TNFRSF4: variants seen among roughly 807,000 people sequenced by gnomAD.
TNFRSF4 encodes TNF receptor superfamily member 4.
In TNFRSF4, 21 loss-of-function variants were observed where a neutral mutation model predicts 29.5. That is an observed-to-expected ratio of 0.71 (90% confidence interval 0.51 to 1.03). TNFRSF4 has a LOEUF of 1.03. Ranked by LOEUF, TNFRSF4 falls within the 50% of genes least tolerant of loss-of-function variation. The pLI is 0.00. For missense variants in TNFRSF4, 408 were observed against 387.8 expected (o/e 1.05, Z -0.44); for synonymous variants, 197 against 172.7 (o/e 1.14, Z -1.10).
Position 1,211,358 on chromosome 1 carries a change from T to G in TNFRSF4, c.*197A>C. On this transcript the variant is annotated 3_prime_UTR_variant, in exon 7 of 7. Coordinates refer to ENST00000379236, the MANE Select transcript of TNFRSF4 (RefSeq NM_003327.4). ...CGGAGACTCCCGTCTGCCAAGGTTTTTATTGTGGTCCCGCGGGGCAGGAGG... is the reference window on the plus strand; with the variant it reads ...CGGAGACTCCCGTCTGCCAAGGTTTGTATTGTGGTCCCGCGGGGCAGGAGG... The G allele has an allele frequency of 2.1e-6, 1 of 478,098 alleles. No homozygotes were observed. The highest frequency in any genetic ancestry group is 3.6e-6 in the Non-Finnish European group (1 of 281,462). 29.6% of individuals were successfully genotyped at this position (478,098 alleles called of 1,614,324 possible).
chr1:1,211,802 C>A lies in TNFRSF4; in HGVS notation c.665G>T (p.Gly222Val), dbSNP rs1297393738. 1 of 1,554,964 alleles carries A rather than the reference C, an allele frequency of 6.4e-7. No individual in the cohort carries two copies. Among genetic ancestry groups the A allele is most frequent in the East Asian group, 2.4e-5 (1 of 41,846 alleles). ...GGGGCCCAGCAGCCCCAGCACCAGG[C>A]CCAGGCCCAGGATGGCGGCAACCGC... ...GRAVAAILGL[G>V]LVLGLLGPLA... Residue 222 changes from glycine (G) to valine (V), a missense_variant, in exon 6 of 7, where the codon GGC becomes GTC. Gly to Val is a moderately radical substitution (Grantham distance 109). Transcript: ENST00000379236.
chr1:1,212,726 C>A lies in TNFRSF4; in HGVS notation c.371-22G>T, dbSNP rs764207404. ...CAGTCTGCAACAAAGATAGGGTGGT[C>A]AGGGGCTGCCCACAGGCCCCGGGTG... On this transcript the variant is annotated intron_variant, in intron 3 of 6. Coordinates refer to ENST00000379236, the MANE Select transcript of TNFRSF4 (RefSeq NM_003327.4). 3 of 1,527,542 alleles carry A rather than the reference C, an allele frequency of 2.0e-6. No homozygotes were observed. In the South Asian group the frequency reaches 3.7e-5, roughly 19 times the overall value. The allele number at this position is 1,527,542 out of a possible 1,614,324, so 94.6% of individuals were successfully genotyped here. A position where few individuals can be genotyped will look rare whatever the true frequency, so the allele number is the denominator to read the frequency against.
chr1:1,213,679 G>T lies in TNFRSF4; in HGVS notation c.252C>A (p.Cys84Ter). The T allele has an allele frequency of 1.9e-6, 3 of 1,593,598 alleles. No homozygotes were observed. The highest frequency in any genetic ancestry group is 1.3e-5 in the African/African-American group (1 of 74,726). The change falls in exon 2 of 7, where the codon TGC (cysteine) becomes TGA (stop). Residue 84 changes from cysteine to a stop codon, truncating the protein, a stop_gained. Transcript: ENST00000379236. LOFTEE classifies it high-confidence loss of function. ...GGAGCTCACTGAGGTTACACCACGT[G>T]CAGGGCTTGCACGGCTTGGAGCTGA... is the stretch of plus-strand genomic sequence containing the variant. ...DVVSSKPCKPCTWCNLRSGSE... is the reference protein window; with the variant it reads ...DVVSSKPCKP
At position 1,211,492 on chromosome 1, in the gene TNFRSF4, C is replaced by G. The variant is rs1205638089; in HGVS notation, c.*63G>C. The G allele has an allele frequency of 7.0e-7, 1 of 1,434,974 alleles. No homozygotes were observed. The highest frequency in any genetic ancestry group is 9.1e-7 in the Non-Finnish European group (1 of 1,093,792). The allele number at this position is 1,434,974 out of a possible 1,614,324, so 88.9% of individuals were successfully genotyped here. Reference sequence around the variant, plus strand: ...GCAGGCGGCCTGCACCTGCCCTGCTCGCCCAGCAGACCCTCCGGGCTCCAG... The same window carrying G: ...GCAGGCGGCCTGCACCTGCCCTGCTGGCCCAGCAGACCCTCCGGGCTCCAG... On this transcript the variant is annotated 3_prime_UTR_variant, in exon 7 of 7. Coordinates refer to ENST00000379236, the MANE Select transcript of TNFRSF4 (RefSeq NM_003327.4).
intron 4 of TNFRSF4, among the ~76,000 whole-genome samples, 196 bp downstream of exon 4, chr1:1,212,442 C>G (rs139193785): frequency 2.6e-5 from 4 of 152,012 alleles, no homozygotes; most frequent in Admixed American, 1.3e-4. Context: ...AGGCTGCCCC[C>G]AGGCAGCAGC....
rs941955677 is a variant in TNFRSF4 at position 1,212,290 on chromosome 1, G to A, written c.438-152C>T. On this transcript the variant is annotated intron_variant, in intron 4 of 6. Transcript: ENST00000379236. ...AGCCAAGGACGCTGCCCAGCCCCAC[G>A]TGCCCCCCACAGGGGCCTCCAAGGC... 39 of 918,472 alleles carry A rather than the reference G, an allele frequency of 4.2e-5. No individual in the cohort carries two copies. The South Asian group carries it at 4.7e-4, about 11-fold the overall frequency. 56.9% of individuals were successfully genotyped at this position (918,472 alleles called of 1,614,324 possible). A position where few individuals can be genotyped will look rare whatever the true frequency, so the allele number is the denominator to read the frequency against.
At position 1,211,815 on chromosome 1, in the gene TNFRSF4, TGGC is replaced by T. The variant is rs780877916; in HGVS notation, c.649_651del (p.Ala217del). The T allele has an allele frequency of 5.5e-5, 86 of 1,552,794 alleles. No homozygotes were observed. Among genetic ancestry groups the T allele is most frequent in the Non-Finnish European group, 7.1e-5 (82 of 1,152,868 alleles). On this transcript the variant is annotated inframe_deletion, in exon 6 of 7. Coordinates refer to ENST00000379236, the MANE Select transcript of TNFRSF4 (RefSeq NM_003327.4). ...CCCAGCACCAGGCCCAGGCCCAGGA[TGGC>T]GGCAACCGCACGGCCTGCAGGAAGG...
chr1:1,213,784 G>A lies in TNFRSF4; in HGVS notation c.147C>T (p.Gly49=). The A allele has an allele frequency of 6.3e-7, 1 of 1,596,694 alleles. No homozygotes were observed. Among genetic ancestry groups the A allele is most frequent in the Non-Finnish European group, 8.5e-7 (1 of 1,173,726 alleles). The change falls in exon 2 of 7, where the codon GGC becomes GGT. Residue 49 remains glycine (G), a splice_region_variant and synonymous_variant. Transcript: ENST00000379236. ...GGCTGCAGCGGCTCACCATCCCGTT[G>A]CCTGCAGCAGAGGCCGGCGTCAGGC... ...NDRCCHECRP[G]NGMVSRCSRS...
At chr1:1,212,599 C>A (rs534218683) in intron 4 of TNFRSF4, 39 bp downstream of exon 4, 13 of 1,327,934 alleles carry the variant, frequency 9.8e-6, no homozygotes, top group Admixed American at 7.0e-5. Context: ...CACCCCAACC[C>A]CCCCCCAGCC....
At position 1,211,830 on chromosome 1, in the gene TNFRSF4, G is replaced by A. The variant is rs753586147; in HGVS notation, c.637C>T (p.Arg213Cys). The change falls in exon 6 of 7, where the codon CGT (arginine) becomes TGT (cysteine). Residue 213 changes from arginine (R) to cysteine (C), a missense_variant and splice_region_variant. Arg to Cys is a radical substitution (Grantham distance 180, BLOSUM62 -3). Transcript: ENST00000379236. The part of the protein sequence containing the change: ...STRPVEVPGG[R>C]AVAAILGLGL... The stretch of plus-strand genomic sequence containing the variant: ...AGGCCCAGGATGGCGGCAACCGCAC[G>A]GCCTGCAGGAAGGGGTCTGCTGGGT... The A allele has an allele frequency of 3.9e-6, 6 of 1,545,530 alleles. No individual in the cohort carries two copies. The highest frequency in any genetic ancestry group is 1.4e-5 in the African/African-American group (1 of 73,312).
In TNFRSF4 at chr1:1,213,780, C is replaced by A; in HGVS notation, c.151G>T (p.Gly51Trp). Residue 51 changes from glycine to tryptophan, a missense_variant, in exon 2 of 7, where the codon GGG becomes TGG. Transcript: ENST00000379236. Reference sequence around the variant, plus strand: ...GAGCGGCTGCAGCGGCTCACCATCCCGTTGCCTGCAGCAGAGGCCGGCGTC... The same window carrying A: ...GAGCGGCTGCAGCGGCTCACCATCCAGTTGCCTGCAGCAGAGGCCGGCGTC... Reference protein sequence around the residue: ...RCCHECRPGNGMVSRCSRSQN... With the variant: ...RCCHECRPGNWMVSRCSRSQN... 6.3e-7 allele frequency: 1 copy of A among 1,598,484 alleles called. No individual in the cohort carries two copies. The highest frequency in any genetic ancestry group is 1.1e-5 in the South Asian group (1 of 88,608).
Position 1,211,926 on chromosome 1 carries a change from G to T in TNFRSF4, c.634+16C>A, listed in dbSNP as rs764775188. 1 of 1,532,822 alleles carries T rather than the reference G, an allele frequency of 6.5e-7. No homozygotes were observed. Among genetic ancestry groups the T allele is most frequent in the East Asian group, 2.3e-5 (1 of 42,722 alleles). 95.0% of individuals were successfully genotyped at this position (1,532,822 alleles called of 1,614,324 possible). On this transcript the variant is annotated intron_variant, in intron 5 of 6. Transcript: ENST00000379236. ...TCGGGTTGGGGGCCCCGCTGGGCTG[G>T]GCCAGGCGCCCTTACCCCCGGGGAC...
intron 2 of TNFRSF4, 173 bp downstream of exon 2, chr1:1,213,490 G>A (rs1475335108): frequency 4.1e-6 from 6 of 1,469,864 alleles, no homozygotes; most frequent in Non-Finnish European, 5.4e-6. Context: ...GAGAGGGGGT[G>A]CCCCTGGGAG....
chr1:1,213,882 A>ACCCCCCCCCCC, intron 1 of TNFRSF4, 97 bp from the exon 2 acceptor site: 1 of 1,265,978 alleles, frequency 7.9e-7, no homozygotes, highest in Non-Finnish European at 1.0e-6. Context: ...CCGGCCCCTC[A>ACCCCCCCCCCC]CCCGCCCCCT....
At chr1:1,213,458 G>A in intron 2 of TNFRSF4, 1 of 1,502,954 alleles carries the variant, frequency 6.7e-7, no homozygotes, top group Non-Finnish European at 8.9e-7. Flanking sequence ...CGTGGCCTGG[G>A]CCGAGTCTGG....
At position 1,212,981 on chromosome 1, in the gene TNFRSF4, A is replaced by G. The variant is rs1649243786; in HGVS notation, c.370+11T>C. The stretch of plus-strand genomic sequence containing the variant: ...ACACCCCCAACCGCCGGCCGCAGCC[A>G]CCGAGCTCACCAACTCCAGGCTTGT... On this transcript the variant is annotated intron_variant, in intron 3 of 6. Coordinates refer to ENST00000379236, the MANE Select transcript of TNFRSF4 (RefSeq NM_003327.4). 5 of 1,605,934 alleles carry G rather than the reference A, an allele frequency of 3.1e-6. No individual in the cohort carries two copies. The highest frequency in any genetic ancestry group is 3.4e-6 in the Non-Finnish European group (4 of 1,176,614).
chr1:1,213,137 G>T (rs1247194463), intron 2 of TNFRSF4, 44 bp from the exon 3 acceptor site: 3 of 1,574,792 alleles, frequency 1.9e-6, no homozygotes, highest in Non-Finnish European at 2.6e-6. Context: ...GGGGGCTGTG[G>T]ACAGGGTCCT....
Position 1,214,077 on chromosome 1 carries a change from G to A in TNFRSF4, c.51C>T (p.Leu17=), listed in dbSNP as rs1371362828. The A allele has an allele frequency of 1.3e-6, 2 of 1,592,514 alleles. No homozygotes were observed. The highest frequency in any genetic ancestry group is 8.5e-7 in the Non-Finnish European group (1 of 1,173,456). ...CGGTGCTCAGCCCCAGGCCCAGGAGGAGCAGAGCCGCACACGGCCCGCGGC... is the reference window on the plus strand; with the variant it reads ...CGGTGCTCAGCCCCAGGCCCAGGAGAAGCAGAGCCGCACACGGCCCGCGGC... The part of the protein sequence containing the change: ...RLGRGPCAAL[L]LLGLGLSTVT... The change falls in exon 1 of 7, where the codon CTC becomes CTT. Residue 17 remains leucine (L), a synonymous_variant. Transcript: ENST00000379236. The surrounding 1 kb of genome is among the most constrained non-coding windows in gnomAD (Gnocchi z 4.2).
In TNFRSF4 at chr1:1,214,055, T is replaced by G. The variant is rs750259479; in HGVS notation, c.73A>C (p.Thr25Pro). The change falls in exon 1 of 7, where the codon ACC becomes CCC. Residue 25 changes from threonine to proline, a missense_variant. By Grantham distance (38) the Thr-to-Pro change is conservative. Transcript: ENST00000379236. The surrounding 1 kb of genome is among the most constrained non-coding windows in gnomAD (Gnocchi z 4.2). Reference sequence around the variant, plus strand: ...CCGACACAGTGGAGCCCCGTCACGGTGCTCAGCCCCAGGCCCAGGAGGAGC... The same window carrying G: ...CCGACACAGTGGAGCCCCGTCACGGGGCTCAGCCCCAGGCCCAGGAGGAGC... ...ALLLLGLGLS[T>P]VTGLHCVGDT... The G allele has an allele frequency of 5.0e-6, 8 of 1,600,014 alleles. No homozygotes were observed. The South Asian group carries it at 9.0e-5, about 18-fold the overall frequency.
Sources: gnomAD v4.1 joint callset for allele counts (sites outside exome capture counted in the v4.1 genomes callset) on GRCh38, gnomAD v4.1.1 for gene constraint, Gnocchi (gnomAD v3.1) non-coding constraint, MANE v1.5 for transcripts, NCBI Gene and HGNC (gene_info 2026-07-23, HGNC 2026-07-21) for gene names.